RNF150: variants seen among roughly 807,000 people sequenced by gnomAD.
RNF150 encodes ring finger protein 150.
RNF150 carries 24 observed loss-of-function variants against 39.3 expected under a neutral mutation model. The observed-to-expected ratio is 0.61, with a 90% CI of 0.44 to 0.86. RNF150 has a LOEUF of 0.86. RNF150 is among the 40% of genes least tolerant of loss of function. The probability of loss-of-function intolerance (pLI) is 0.00; values close to 1 mark genes in which losing one functional copy is unlikely to be tolerated. For synonymous variants in RNF150, 255 were observed against 227.3 expected (o/e 1.12, Z -1.10); for missense variants, 502 against 587.8 (o/e 0.85, Z 1.51).
chr4:140,925,489 G>A (rs1360280132), intron 5 of RNF150, among the ~76,000 whole-genome samples: 4 of 152,220 alleles, frequency 2.6e-5, no homozygotes, highest in Non-Finnish European at 4.4e-5. Context: ...AGAGATCTGA[G>A]TTTAGCTGAG....
chr4:140,906,031 C>A (rs1730358649), intron 6 of RNF150, among the ~76,000 whole-genome samples: 1 of 152,042 alleles, frequency 6.6e-6, no homozygotes, highest in South Asian at 2.1e-4. Flanking sequence ...TTTTGAATTA[C>A]AAGGGAAAGT....
chr4:140,953,729 TA>T (rs1374441639), intron 2 of RNF150, among the ~76,000 whole-genome samples: 9 of 151,876 alleles, frequency 5.9e-5, no homozygotes, highest in Non-Finnish European at 1.3e-4. Context: ...TTTCAATATT[TA>T]AAGAGTTTTC....
At chr4:141,195,709 GAGAA>G (rs1304696645) in intron 1 of RNF150, among the ~76,000 whole-genome samples, 16 of 152,170 alleles carry the variant, frequency 1.1e-4, no homozygotes, top group Non-Finnish European at 1.9e-4. Flanking sequence ...AACACAAGGG[GAGAA>G]AGATTTTATG....
chr4:141,104,762 T>C (rs993792297), intron 1 of RNF150, among the ~76,000 whole-genome samples: 2 of 152,222 alleles, frequency 1.3e-5, no homozygotes, highest in African/African-American at 4.8e-5. Flanking sequence ...TGACAATCAT[T>C]CAAAACATGA....
intron 1 of RNF150, among the ~76,000 whole-genome samples, chr4:141,017,150 C>T (rs933346055): frequency 2.6e-5 from 4 of 152,112 alleles, no homozygotes; most frequent in African/African-American, 9.7e-5. Context: ...GCTTGCTCCA[C>T]ATCTCCACCT....
chr4:141,002,902 T>C (rs1183974302), intron 1 of RNF150, among the ~76,000 whole-genome samples: 7 of 152,182 alleles, frequency 4.6e-5, no homozygotes, highest in Non-Finnish European at 1.0e-4. Context: ...AGGAGAGCTC[T>C]CTGTGTTCCA....
intron 6 of RNF150, among the ~76,000 whole-genome samples, chr4:140,894,230 A>G (rs879893355): frequency 5.5e-5 from 7 of 128,048 alleles, no homozygotes; most frequent in Non-Finnish European, 1.3e-4. Context: ...CTAGCTCAAA[A>G]TAGGCATTAA....
chr4:140,887,475 T>G (rs1050878902), intron 6 of RNF150, among the ~76,000 whole-genome samples: 5 of 152,272 alleles, frequency 3.3e-5, no homozygotes, highest in Non-Finnish European at 7.3e-5. Context: ...TGCCCATTAA[T>G]GTGCTGGTGA....
At chr4:140,953,662 TAC>T (rs1481129379) in intron 2 of RNF150, among the ~76,000 whole-genome samples, 1 of 151,970 alleles carries the variant, frequency 6.6e-6, no homozygotes, top group Non-Finnish European at 1.5e-5. Context: ...ACATGAAAAT[TAC>T]ACACATGCAG....
At chr4:140,997,688 C>CTG (rs1553935386) in intron 1 of RNF150, among the ~76,000 whole-genome samples, 2 of 137,054 alleles carry the variant, frequency 1.5e-5, no homozygotes, top group African/African-American at 5.3e-5. Flanking sequence ...GCACTCCAGC[C>CTG]TGTGTGTGTA....
At chr4:141,138,810 T>A (rs971243706) in intron 1 of RNF150, among the ~76,000 whole-genome samples, 2 of 152,172 alleles carry the variant, frequency 1.3e-5, no homozygotes, top group African/African-American at 2.4e-5. Context: ...AAAGGACATA[T>A]ATGTTGGCCA....
At chr4:141,147,785 G>C (rs549977983) in intron 1 of RNF150, among the ~76,000 whole-genome samples, 2 of 152,284 alleles carry the variant, frequency 1.3e-5, no homozygotes, top group African/African-American at 2.4e-5. Flanking sequence ...AGATTTCAGA[G>C]GGGAGGGGAA....
intron 1 of RNF150, among the ~76,000 whole-genome samples, chr4:141,000,086 G>GA: frequency 1.6e-5 from 1 of 60,724 alleles, no homozygotes; most frequent in Middle Eastern, 8.9e-3. Flanking sequence ...AGAAGAAGAA[G>GA]GAGAAGAAGA....
chr4:140,898,789 C>G (rs1369058357), intron 6 of RNF150, among the ~76,000 whole-genome samples: 1 of 152,150 alleles, frequency 6.6e-6, no homozygotes, highest in Non-Finnish European at 1.5e-5. Flanking sequence ...ATTTAAATAA[C>G]AGTGGCAGTA....
intron 1 of RNF150, among the ~76,000 whole-genome samples, chr4:141,049,380 T>C (rs189082967): frequency 9.5e-4 from 144 of 151,892 alleles, no homozygotes; most frequent in Admixed American, 2.5e-3. Context: ...ATAAAATTAA[T>C]GTCAAAAAGC....
intron 1 of RNF150, among the ~76,000 whole-genome samples, chr4:141,206,224 G>A (rs967952980): frequency 2.0e-5 from 3 of 151,946 alleles, no homozygotes; most frequent in African/African-American, 7.3e-5. Flanking sequence ...GTTTGGACCA[G>A]TCTGGCCAAC....
chr4:140,902,631 G>C (rs1298294135), intron 6 of RNF150, among the ~76,000 whole-genome samples: 2 of 151,722 alleles, frequency 1.3e-5, no homozygotes, highest in Admixed American at 1.3e-4. Flanking sequence ...ATAATATTTT[G>C]GCTTAAATAA....
chr4:141,012,765 GA>G (rs1480156887), intron 1 of RNF150, among the ~76,000 whole-genome samples: 1 of 95,152 alleles, frequency 1.1e-5, no homozygotes, highest in East Asian at 3.8e-4. Flanking sequence ...CCTGGTGACA[GA>G]GTAAGACTCT....
chr4:141,145,695 C>A (rs1195812155), intron 1 of RNF150, among the ~76,000 whole-genome samples: 1 of 152,190 alleles, frequency 6.6e-6, no homozygotes, highest in East Asian at 1.9e-4. Context: ...AAAAGAAAAT[C>A]TCATTTTTGG....
Sources: allele counts gnomAD v4.1 joint callset (sites outside exome capture counted in the v4.1 genomes callset), GRCh38; gene constraint gnomAD v4.1.1; transcripts MANE v1.5; gene names NCBI Gene and HGNC (gene_info 2026-07-23, HGNC 2026-07-21).